Variants in HDAC9 observed in about 807,000 individuals in gnomAD.
HDAC9 encodes MEF-2 interacting transcription repressor (MITR) protein.
In HDAC9, 41 loss-of-function variants were observed where a neutral mutation model predicts 139.4. The ratio of observed to expected loss-of-function variants is 0.29; its 90% CI spans 0.23 to 0.38. HDAC9 has a LOEUF of 0.38. Among genes scored for constraint, HDAC9 ranks in the 10% least tolerant of loss-of-function variants. The pLI, the probability that HDAC9 is intolerant of heterozygous loss-of-function variation, is 1.00. For missense variants in HDAC9, 1,147 were observed against 1,297.0 expected, an observed-to-expected ratio of 0.88 and a Z score of 1.78; for synonymous variants, 517 against 476.2, an observed-to-expected ratio of 1.09 and a Z score of -1.12.
At chr7:18,866,315 T>C (rs1246325662) in intron 21 of HDAC9, among the ~76,000 whole-genome samples, 1 of 152,072 alleles carries the variant, frequency 6.6e-6, no homozygotes, top group Non-Finnish European at 1.5e-5. Context: ...TTTTTCACCT[T>C]AGTCCTTATT....
chr7:18,958,443 A>C (rs1031819380), intron 24 of HDAC9, among the ~76,000 whole-genome samples: 1 of 152,204 alleles, frequency 6.6e-6, no homozygotes, highest in African/African-American at 2.4e-5. Context: ...TATTCACCAT[A>C]GCCAAGAGAT....
Position 18,874,523 on chromosome 7 carries a change from C to G in HDAC9, c.2730C>G (p.Val910=). The change falls in exon 22 of 26, where the codon GTC becomes GTG. Residue 910 remains valine, a synonymous_variant. Coordinates refer to ENST00000686413, the MANE Select transcript of HDAC9 (RefSeq NM_178425.4). The stretch of plus-strand genomic sequence containing the variant: ...CCAAAGAGTTTGATCCAGACATGGT[C>G]TTAGTATCTGCTGGATTTGATGCAT... ...PVAKEFDPDM[V]LVSAGFDALE... 1 of 1,594,730 alleles carries G rather than the reference C, an allele frequency of 6.3e-7. No homozygotes were observed. Among genetic ancestry groups the G allele is most frequent in the East Asian group, 2.3e-5 (1 of 44,268 alleles).
At chr7:18,252,317 A>C (rs944716257) in intron 2 of HDAC9, among the ~76,000 whole-genome samples, 63 of 152,348 alleles carry the variant, frequency 4.1e-4, no homozygotes, top group Admixed American at 3.1e-3. Flanking sequence ...CTGAAAGCAG[A>C]GAGCATATCA....
intron 19 of HDAC9, among the ~76,000 whole-genome samples, chr7:18,832,384 A>T (rs1293447329): frequency 6.6e-6 from 1 of 152,236 alleles, no homozygotes; most frequent in African/African-American, 2.4e-5. Flanking sequence ...CTGCTAGAAT[A>T]TATGATTTAT....
At chr7:18,572,748 T>C (rs901980280) in intron 2 of HDAC9, among the ~76,000 whole-genome samples, 10 of 152,188 alleles carry the variant, frequency 6.6e-5, no homozygotes, top group South Asian at 2.1e-4. Context: ...GGTTCTTAGC[T>C]TCTATTACCT....
chr7:18,398,707 ATTCTGATGCATTTTTAAAAAGAATG>A (rs1273094536), intron 1 of HDAC9, among the ~76,000 whole-genome samples: 5 of 152,158 alleles, frequency 3.3e-5, no homozygotes, highest in Admixed American at 2.0e-4. Flanking sequence ...AGTTTAGCCA[ATTCTGATGCATTTTTAAAAAGAATG>A]TGCTGTTGAG....
intron 1 of HDAC9, among the ~76,000 whole-genome samples, chr7:18,435,080 A>AC (rs1791058221): frequency 1.3e-5 from 2 of 151,338 alleles, no homozygotes; most frequent in African/African-American, 4.8e-5. Context: ...AAAAAAAAAA[A>AC]AGAACAAGAT....
At chr7:18,106,051 C>T (rs926061041) in intron 1 of HDAC9, among the ~76,000 whole-genome samples, 1 of 151,998 alleles carries the variant, frequency 6.6e-6, no homozygotes, top group African/African-American at 2.4e-5. Flanking sequence ...TTGCCTGAGG[C>T]AAAGGGAAGG....
chr7:18,363,131 G>A lies in HDAC9; in HGVS notation c.-42+72616G>A, dbSNP rs141765486. ...TACAACCATTAGTTATAATTAATTC[G>A]GTTTATCTTTTTTAAGGAAGGCTAG... On this transcript the variant is annotated intron_variant, in intron 1 of 3. Transcript: ENST00000413509. Among the ~76,000 whole-genome samples the A allele has an allele frequency of 7.9e-5, 12 of 152,234 alleles. No homozygotes were observed. In the South Asian group the frequency reaches 1.5e-3, roughly 18 times the overall value.
intron 8 of HDAC9, among the ~76,000 whole-genome samples, chr7:18,635,462 G>A (rs977076592): frequency 1.2e-4 from 18 of 152,082 alleles, no homozygotes; most frequent in Admixed American, 3.3e-4. Flanking sequence ...ACATGATTTA[G>A]TGTAACCAAT....
chr7:18,198,633 T>G (rs1412062257), intron 2 of HDAC9, among the ~76,000 whole-genome samples: 1 of 152,194 alleles, frequency 6.6e-6, no homozygotes, highest in African/African-American at 2.4e-5. Flanking sequence ...AATGTCAGTT[T>G]TGGGTATTTG....
intron 1 of HDAC9, among the ~76,000 whole-genome samples, chr7:18,327,959 A>G (rs1240462322): frequency 2.0e-5 from 3 of 151,990 alleles, no homozygotes; most frequent in African/African-American, 7.2e-5. Flanking sequence ...GCTTTCAGCA[A>G]TAGGCTGCCA....
chr7:18,099,889 A>C (rs1281212635), intron 1 of HDAC9, among the ~76,000 whole-genome samples: 2 of 152,208 alleles, frequency 1.3e-5, no homozygotes, highest in Non-Finnish European at 2.9e-5. Context: ...TAAAACAGAA[A>C]TCTTTTGTAT....
rs183896385 is a variant in HDAC9 at position 18,647,829 on chromosome 7, G to T, written c.1080G>T (p.Thr360=). The T allele has an allele frequency of 3.0e-5, 48 of 1,612,166 alleles. No homozygotes were observed. In the Admixed American group the frequency reaches 7.5e-4, roughly 25 times the overall value. Residue 360 remains threonine, a synonymous_variant, in exon 10 of 26, where the codon ACG becomes ACT. Coordinates refer to ENST00000686413, the MANE Select transcript of HDAC9 (RefSeq NM_178425.4). ...LKEKQKCETQ[T]LRQGVPLPGQ... is the part of the protein sequence containing the mutation. ...AAAAGCAGAAGTGTGAGACGCAGAC[G>T]CTTAGGCAAGGTGTTCCTCTGCCTG...
chr7:18,852,823 C>G (rs991697732), intron 21 of HDAC9, among the ~76,000 whole-genome samples: 1 of 151,358 alleles, frequency 6.6e-6, no homozygotes, highest in African/African-American at 2.4e-5. Context: ...AGGGCACATG[C>G]TGAGGAGATC....
chr7:18,190,868 C>G (rs894715717), intron 2 of HDAC9, among the ~76,000 whole-genome samples: 2 of 152,034 alleles, frequency 1.3e-5, no homozygotes, highest in African/African-American at 4.8e-5. Flanking sequence ...CATGTTTTAC[C>G]TTTGTAAACT....
chr7:18,701,667 A>T (rs1783498535), intron 12 of HDAC9, among the ~76,000 whole-genome samples: 1 of 152,222 alleles, frequency 6.6e-6, no homozygotes, highest in Non-Finnish European at 1.5e-5. Flanking sequence ...GGAATACAGA[A>T]CTTTGAATAA....
At chr7:18,113,184 A>C (rs1343774165) in intron 1 of HDAC9, among the ~76,000 whole-genome samples, 1 of 152,210 alleles carries the variant, frequency 6.6e-6, no homozygotes, top group South Asian at 2.1e-4. Context: ...GTAATTTAAG[A>C]AATAAGAAGG....
intron 2 of HDAC9, among the ~76,000 whole-genome samples, chr7:18,511,953 A>T (rs1247197808): frequency 1.3e-5 from 2 of 151,676 alleles, no homozygotes; most frequent in Non-Finnish European, 2.9e-5. Flanking sequence ...AATTCCAGGA[A>T]TGCAAGATTG....
Sources: gnomAD v4.1 joint callset for allele counts (sites outside exome capture counted in the v4.1 genomes callset) on GRCh38, gnomAD v4.1.1 for gene constraint, MANE v1.5 for transcripts, NCBI Gene and HGNC (gene_info 2026-07-23, HGNC 2026-07-21) for gene names.